The following SYT1 variants were observed in gnomAD, a reference collection of about 807,000 sequenced individuals.
SYT1 encodes the protein synaptotagmin-1.
In SYT1, 8 loss-of-function variants were observed where a neutral mutation model predicts 44.8. The ratio of observed to expected loss-of-function variants is 0.18; its 90% CI spans 0.10 to 0.32. The LOEUF (loss-of-function observed/expected upper bound fraction) is 0.32, where lower values mean the gene tolerates loss of function less well. Ranked by LOEUF, SYT1 falls within the 10% of genes least tolerant of loss-of-function variation. SYT1 has a pLI of 1.00. For synonymous variants in SYT1, 154 were observed against 188.8 expected (o/e 0.82, Z 1.51); for missense variants, 286 against 509.3 (o/e 0.56, Z 4.22).
At chr12:79,126,836 G>A (rs968847926) in intron 3 of SYT1, among the ~76,000 whole-genome samples, 1 of 152,178 alleles carries the variant, frequency 6.6e-6, no homozygotes, top group Non-Finnish European at 1.5e-5. Context: ...GTTTACCAGT[G>A]ACGTGAATTC....
At chr12:78,960,586 T>G (rs1879450484) in intron 1 of SYT1, 2 of 152,106 alleles carry the variant, frequency 1.3e-5, no homozygotes, top group Admixed American at 6.6e-5. Context: ...CCCAGGCTCT[T>G]GAAGAGGACC....
chr12:79,017,953 G>T (rs1364931925), intron 2 of SYT1, among the ~76,000 whole-genome samples: 1 of 151,976 alleles, frequency 6.6e-6, no homozygotes, highest in Non-Finnish European at 1.5e-5. Flanking sequence ...GTTTATTTTG[G>T]TTAGAAGAGT....
chr12:79,022,639 G>A (rs1400053852), intron 2 of SYT1, among the ~76,000 whole-genome samples: 1 of 151,150 alleles, frequency 6.6e-6, no homozygotes. Flanking sequence ...TATGTTACAT[G>A]TTAGAGGTTT....
intron 3 of SYT1, among the ~76,000 whole-genome samples, chr12:79,109,574 C>T (rs1878902291): frequency 6.6e-6 from 1 of 152,104 alleles, no homozygotes; most frequent in Admixed American, 6.6e-5. Flanking sequence ...TGTTGTGAAA[C>T]CCAAATGATG....
chr12:79,290,970 C>T (rs1215028127), intron 5 of SYT1, among the ~76,000 whole-genome samples: 2 of 152,022 alleles, frequency 1.3e-5, no homozygotes, highest in Non-Finnish European at 2.9e-5. Flanking sequence ...GTATAGATTT[C>T]TAATTAATTA....
intron 8 of SYT1, among the ~76,000 whole-genome samples, chr12:79,349,009 AAG>A (rs1464330334): frequency 2.3e-5 from 3 of 129,630 alleles, no homozygotes; most frequent in Non-Finnish European, 3.3e-5. Flanking sequence ...GAAAGAAAGA[AAG>A]AAAGAAAGAA....
intron 3 of SYT1, among the ~76,000 whole-genome samples, chr12:79,092,926 C>A (rs937773865): frequency 1.3e-5 from 2 of 151,518 alleles, no homozygotes; most frequent in Non-Finnish European, 3.0e-5. Context: ...GCACACAACG[C>A]TTTAACATAA....
At chr12:79,384,365 T>A (rs1716383745) in intron 9 of SYT1, among the ~76,000 whole-genome samples, 1 of 152,220 alleles carries the variant, frequency 6.6e-6, no homozygotes. Context: ...ATCTTTCATA[T>A]ATATAATTCT....
intron 3 of SYT1, among the ~76,000 whole-genome samples, chr12:79,090,354 A>G (rs2950386): frequency 0.09 from 13,699 of 151,966 alleles, 831 homozygotes; most frequent in Non-Finnish European, 0.14. Context: ...TTAACAGCCA[A>G]AACTACATCA....
At chr12:78,944,958 C>T (rs2137267477) in intron 1 of SYT1, among the ~76,000 whole-genome samples, 1 of 152,208 alleles carries the variant, frequency 6.6e-6, no homozygotes, top group Non-Finnish European at 1.5e-5. Flanking sequence ...CTTAAATTTC[C>T]TTTGAAATGT....
chr12:78,876,775 A>G, intron 1 of SYT1, among the ~76,000 whole-genome samples: 4 of 85,672 alleles, frequency 4.7e-5, no homozygotes, highest in African/African-American at 1.9e-4. Context: ...TTATATATTT[A>G]TATATTATAT....
At chr12:79,283,745 CTTG>C (rs1879167254) in intron 4 of SYT1, among the ~76,000 whole-genome samples, 1 of 151,818 alleles carries the variant, frequency 6.6e-6, no homozygotes, top group African/African-American at 2.4e-5. Context: ...TAATCTTTAC[CTTG>C]TTTAATAAAT....
intron 5 of SYT1, chr12:79,291,722 C>A (rs1369756321): frequency 5.9e-6 from 3 of 508,690 alleles, no homozygotes; most frequent in East Asian, 5.2e-5. Context: ...AAATACAACA[C>A]CAAGTTGACA....
At chr12:79,425,110 C>G (rs1431226821) in intron 9 of SYT1, among the ~76,000 whole-genome samples, 1 of 151,832 alleles carries the variant, frequency 6.6e-6, no homozygotes, top group African/African-American at 2.4e-5. Flanking sequence ...TCCTTCCAGT[C>G]TATGAAGGTC....
At chr12:79,135,389 G>C (rs2138193716) in intron 3 of SYT1, among the ~76,000 whole-genome samples, 1 of 152,164 alleles carries the variant, frequency 6.6e-6, no homozygotes, top group East Asian at 1.9e-4. Context: ...AATAAGGGTA[G>C]GGTGGGAAAG....
chr12:79,186,314 T>G (rs902047537), intron 3 of SYT1, among the ~76,000 whole-genome samples: 3 of 152,048 alleles, frequency 2.0e-5, no homozygotes, highest in African/African-American at 7.2e-5. Flanking sequence ...GCCATTACTT[T>G]GTAAAAAGTA....
At chr12:79,109,240 T>C (rs969433890) in intron 3 of SYT1, among the ~76,000 whole-genome samples, 30 of 152,188 alleles carry the variant, frequency 2.0e-4, no homozygotes, top group African/African-American at 7.2e-4. Context: ...AGGGAGCCCT[T>C]CCCACCTGTC....
intron 8 of SYT1, among the ~76,000 whole-genome samples, chr12:79,328,750 G>A (rs970907155): frequency 6.6e-6 from 1 of 151,730 alleles, no homozygotes; most frequent in Non-Finnish European, 1.5e-5. Context: ...GGAGGCTGAG[G>A]CAGGAGAATG....
rs1870912318 is a variant in SYT1, at chr12:79,449,315, T to C, written c.*191T>C. 1.7e-6 allele frequency: 1 copy of C among 600,952 alleles called. No individual in the cohort carries two copies. The highest frequency in any genetic ancestry group is 2.9e-6 in the Non-Finnish European group (1 of 343,912). 37.2% of individuals were successfully genotyped at this position (600,952 alleles called of 1,614,324 possible). A position where few individuals can be genotyped will look rare whatever the true frequency, so the allele number is the denominator to read the frequency against. On this transcript the variant is annotated 3_prime_UTR_variant, in exon 11 of 11. Coordinates refer to ENST00000261205, the MANE Select transcript of SYT1 (RefSeq NM_005639.3). ...GCCCCTAAGTCCTTCATCATACCACTGCCCTCCAAATCTACTCTTCTTTTA... is the reference window on the plus strand; with the variant it reads ...GCCCCTAAGTCCTTCATCATACCACCGCCCTCCAAATCTACTCTTCTTTTA...
Sources: gnomAD v4.1 joint callset for allele counts (sites outside exome capture counted in the v4.1 genomes callset) on GRCh38, gnomAD v4.1.1 for gene constraint, MANE v1.5 for transcripts, NCBI Gene and HGNC (gene_info 2026-07-23, HGNC 2026-07-21) for gene names.